RPL22L1: variants seen among roughly 807,000 people sequenced by gnomAD.
RPL22L1 encodes ribosomal protein eL22-like.
RPL22L1 carries 19 observed loss-of-function variants against 17.3 expected under a neutral mutation model. That is an observed-to-expected ratio of 1.10 (90% CI 0.77 to 1.61). The LOEUF is 1.61. RPL22L1 is among the 40% of genes most tolerant of loss of function. The probability of loss-of-function intolerance (pLI) is 0.00; values close to 1 mark genes in which losing one functional copy is unlikely to be tolerated. For synonymous variants in RPL22L1, 48 were observed against 48.5 expected (o/e 0.99, Z 0.05); for missense variants, 139 against 144.4 (o/e 0.96, Z 0.19).
chr3:170,869,086 C>T (rs546947147), intron 1 of RPL22L1, among the ~76,000 whole-genome samples: 2 of 149,740 alleles, frequency 1.3e-5, no homozygotes, highest in African/African-American at 4.9e-5. Context: ...TGCCACTATA[C>T]TCCCACCTGG....
chr3:170,867,977 T>C (rs369785205), intron 3 of RPL22L1, 36 bp downstream of exon 3: 2 of 1,482,204 alleles, frequency 1.3e-6, no homozygotes, highest in Admixed American at 2.1e-5. Context: ...ATTCCAAAAC[T>C]ACTATAGTTT....
At chr3:170,869,873 C>A in intron 1 of RPL22L1, 1 of 582,824 alleles carries the variant, frequency 1.7e-6, no homozygotes, top group Non-Finnish European at 3.2e-6. Flanking sequence ...GCAGTACCAC[C>A]GGCCCATTTA....
At chr3:170,869,685 C>T (rs1427821896) in intron 1 of RPL22L1, among the ~76,000 whole-genome samples, 2 of 152,096 alleles carry the variant, frequency 1.3e-5, no homozygotes, top group East Asian at 1.9e-4. Context: ...AAACTTCTTC[C>T]CCAACTGAAA....
chr3:170,866,495 A>T lies in RPL22L1; in HGVS notation c.254T>A (p.Leu85His). Reference sequence around the variant, plus strand: ...CCAATCACGAAGATTGTTCTTCTTAAGGTATTTCTTGGTAAGGTATTTCAA... The same window carrying T: ...CCAATCACGAAGATTGTTCTTCTTATGGTATTTCTTGGTAAGGTATTTCAA... ...RYLKYLTKKYLKKNNLRDWLR... is the reference protein window; with the variant it reads ...RYLKYLTKKYHKKNNLRDWLR... The change falls in exon 4 of 4, where the codon CTT (leucine) becomes CAT (histidine). Residue 85 changes from leucine (L) to histidine (H), a missense_variant. Physicochemically the swap from Leu to His is moderately conservative, Grantham distance 99 (BLOSUM62 -3). Transcript: ENST00000295830. The T allele has an allele frequency of 6.4e-7, 1 of 1,564,590 alleles. No homozygotes were observed. The highest frequency in any genetic ancestry group is 1.2e-5 in the South Asian group (1 of 84,792).
intron 1 of RPL22L1, among the ~76,000 whole-genome samples, chr3:170,869,468 A>C (rs759737629): frequency 6.6e-6 from 1 of 152,314 alleles, no homozygotes; most frequent in Non-Finnish European, 1.5e-5. Context: ...CATGCTGGGC[A>C]TTACCCAGTT....
chr3:170,869,346 G>C (rs971890147), intron 1 of RPL22L1, among the ~76,000 whole-genome samples: 1 of 152,102 alleles, frequency 6.6e-6, no homozygotes. Context: ...GCTTTCTCAG[G>C]TAGCATGGTA....
At chr3:170,869,077 G>GCCACTATACTCCCA (rs1219512539) in intron 1 of RPL22L1, among the ~76,000 whole-genome samples, 1 of 148,084 alleles carries the variant, frequency 6.8e-6, no homozygotes, top group African/African-American at 2.5e-5. Context: ...GCCTGATCAT[G>GCCACTATACTCCCA]CCACTATACT....
rs1711684846 is a variant in RPL22L1 at position 170,864,981 on chromosome 3, G to A, written c.*1399C>T. ...TCCGTCATAATACTAACACAGCAGA[G>A]CAGGCTGGGTGTTTTTACTCATCAC... is the stretch of plus-strand genomic sequence containing the variant. On this transcript the variant is annotated 3_prime_UTR_variant, in exon 4 of 4. Transcript: ENST00000295830. 6.6e-6 allele frequency: 1 copy of A among 152,198 alleles called. No homozygotes were observed. Among genetic ancestry groups the A allele is most frequent in the Admixed American group, 6.5e-5 (1 of 15,278 alleles). 9.4% of individuals were successfully genotyped at this position (152,198 alleles called of 1,614,324 possible). A position where few individuals can be genotyped will look rare whatever the true frequency, so the allele number is the denominator to read the frequency against.
chr3:170,866,187 T>TATTTA lies in RPL22L1; in HGVS notation c.*188_*192dup. ...GGAAAAAATTATACCAGCTATAAGC[T>TATTTA]ATTTAAATACTGTTGATAGTTATCA... On this transcript the variant is annotated 3_prime_UTR_variant, in exon 4 of 4. Transcript: ENST00000295830. 1 of 439,380 alleles carries TATTTA rather than the reference T, an allele frequency of 2.3e-6. No homozygotes were observed. The highest frequency in any genetic ancestry group is 4.0e-6 in the Non-Finnish European group (1 of 251,324). The allele number at this position is 439,380 out of a possible 1,614,324, so 27.2% of individuals were successfully genotyped here.
chr3:170,868,857 C>T (rs990861129), intron 1 of RPL22L1, among the ~76,000 whole-genome samples: 1 of 149,392 alleles, frequency 6.7e-6, no homozygotes, highest in African/African-American at 2.5e-5. Flanking sequence ...ATAAAAAAGG[C>T]AAGGTGCCGT....
chr3:170,865,824 A>T lies in RPL22L1; in HGVS notation c.*556T>A, dbSNP rs1711736473. On this transcript the variant is annotated 3_prime_UTR_variant, in exon 4 of 4. Transcript: ENST00000295830. ...AGTATTTGAGACTGTCAAGACAATC[A>T]TATACATTTTATACAGCTATATAAA... 1 of 152,350 alleles carries T rather than the reference A, an allele frequency of 6.6e-6. No individual in the cohort carries two copies. The highest frequency in any genetic ancestry group is 2.4e-5 in the African/African-American group (1 of 41,464). 9.4% of individuals were successfully genotyped at this position (152,350 alleles called of 1,614,324 possible).
intron 3 of RPL22L1, among the ~76,000 whole-genome samples, chr3:170,867,811 T>G (rs1711824857): frequency 6.6e-6 from 1 of 152,168 alleles, no homozygotes; most frequent in Non-Finnish European, 1.5e-5. Context: ...TGGACACAAC[T>G]GGCTCATATT....
intron 3 of RPL22L1, among the ~76,000 whole-genome samples, chr3:170,866,950 C>T (rs996513866): frequency 1.8e-4 from 27 of 152,140 alleles, no homozygotes; most frequent in African/African-American, 6.3e-4. Flanking sequence ...GTCTCAACTT[C>T]TCTGAAAATT....
In RPL22L1 at chr3:170,866,273, A is replaced by G. The variant is rs1711755996; in HGVS notation, c.*107T>C. 4 of 887,310 alleles carry G rather than the reference A, an allele frequency of 4.5e-6. No individual in the cohort carries two copies. The highest frequency in any genetic ancestry group is 6.2e-5 in the Admixed American group (2 of 32,484). The allele number at this position is 887,310 out of a possible 1,614,324, so 55.0% of individuals were successfully genotyped here. A position where few individuals can be genotyped will look rare whatever the true frequency, so the allele number is the denominator to read the frequency against. Reference sequence around the variant, plus strand: ...AAAAATGAGACAAAAGTTCAAGAGTATAATATTTTTTATTCACTGATAAAC... The same window carrying G: ...AAAAATGAGACAAAAGTTCAAGAGTGTAATATTTTTTATTCACTGATAAAC... On this transcript the variant is annotated 3_prime_UTR_variant, in exon 4 of 4. Transcript: ENST00000295830.
Position 170,868,086 on chromosome 3 carries a change from G to T in RPL22L1, c.151C>A (p.Leu51Ile). 6.2e-7 allele frequency: 1 copy of T among 1,606,024 alleles called. No individual in the cohort carries two copies. Residue 51 changes from leucine (L) to isoleucine (I), a missense_variant, in exon 3 of 4, where the codon CTC becomes ATC. Leu to Ile is a conservative substitution (Grantham distance 5). Transcript: ENST00000295830. ...CGTTCAATGTGAACAACATTCCCGA[G>T]ATTTCCAGTTTTGCCATTGACTTTA... ...KVKVNGKTGN[L>I]GNVVHIERFK...
Position 170,866,479 on chromosome 3 carries a change from A to G in RPL22L1, c.270T>C (p.Leu90=). Residue 90 remains leucine (L), a synonymous_variant, in exon 4 of 4, where the codon CTT becomes CTC. Coordinates refer to ENST00000295830, the MANE Select transcript of RPL22L1 (RefSeq NM_001099645.2). ...LTKKYLKKNN[L]RDWLRVVASD... ...ATGCAACCACTCGAAGCCAATCACG[A>G]AGATTGTTCTTCTTAAGGTATTTCT... 1 of 1,577,564 alleles carries G rather than the reference A, an allele frequency of 6.3e-7. No homozygotes were observed. Among genetic ancestry groups the G allele is most frequent in the Non-Finnish European group, 8.6e-7 (1 of 1,160,222 alleles).
At chr3:170,869,280 C>T (rs1711895979) in intron 1 of RPL22L1, among the ~76,000 whole-genome samples, 1 of 152,200 alleles carries the variant, frequency 6.6e-6, no homozygotes, top group Admixed American at 6.5e-5. Context: ...ATTTATCAGA[C>T]TATAACCTCC....
intron 1 of RPL22L1, 58 bp downstream of exon 1, chr3:170,870,101 T>C: frequency 1.9e-6 from 3 of 1,613,236 alleles, no homozygotes; most frequent in Admixed American, 3.3e-5. Flanking sequence ...CAAAAATCGT[T>C]ACAGCGGAAA....
intron 1 of RPL22L1, 107 bp downstream of exon 1, chr3:170,870,052 T>TC: frequency 6.6e-7 from 1 of 1,518,844 alleles, no homozygotes; most frequent in African/African-American, 1.4e-5. Context: ...ACTACTCCCC[T>TC]CCCTTTATCT....
Sources: allele counts gnomAD v4.1 joint callset (sites outside exome capture counted in the v4.1 genomes callset), GRCh38; gene constraint gnomAD v4.1.1; transcripts MANE v1.5; gene names NCBI Gene and HGNC (gene_info 2026-07-23, HGNC 2026-07-21).